MCM2: variants seen among roughly 807,000 people sequenced by gnomAD.
The protein encoded by MCM2 is DNA replication licensing factor MCM2.
Under a neutral mutation model 86.4 loss-of-function variants are expected in MCM2, and 49 were observed. That is an observed-to-expected ratio of 0.57 (90% CI 0.45 to 0.72). The LOEUF (loss-of-function observed/expected upper bound fraction) is 0.72, where lower values mean the gene tolerates loss of function less well. Ranked by LOEUF, MCM2 falls within the 30% of genes least tolerant of loss-of-function variation. MCM2 has a pLI of 0.00. For missense variants in MCM2, 1,038 were observed against 1,259.9 expected, an observed-to-expected ratio of 0.82 and a Z score of 2.67; for synonymous variants, 475 against 484.6, an observed-to-expected ratio of 0.98 and a Z score of 0.26.
rs774214776 is a variant in MCM2 at position 127,606,153 on chromosome 3, T to A, written c.709T>A (p.Leu237Met). The A allele has an allele frequency of 6.2e-7, 1 of 1,614,190 alleles. No homozygotes were observed. Among genetic ancestry groups the A allele is most frequent in the African/African-American group, 1.3e-5 (1 of 75,046 alleles). ...GAGCCTGGTGGTGAACTATGAGGAC[T>A]TGGCAGCCAGGGAGCACGTGCTGGC... ...RESLVVNYED[L>M]AAREHVLAYF... The change falls in exon 5 of 16, where the codon TTG (leucine) becomes ATG (methionine). Residue 237 changes from leucine (L) to methionine (M), a missense_variant. Coordinates refer to ENST00000265056, the MANE Select transcript of MCM2 (RefSeq NM_004526.4). The surrounding 1 kb of genome is among the most constrained non-coding windows in gnomAD (Gnocchi z 4.2).
intron 8 of MCM2, among the ~76,000 whole-genome samples, chr3:127,610,531 G>A (rs1004921277): frequency 1.3e-5 from 2 of 152,064 alleles, no homozygotes; most frequent in African/African-American, 2.4e-5. Context: ...TCCTCCTCAC[G>A]CATCACATTT....
rs889710951 is a variant in MCM2, at chr3:127,615,922, C to T, written c.1489C>T (p.Leu497=). 6.2e-7 allele frequency: 1 copy of T among 1,614,204 alleles called. No individual in the cohort carries two copies. The highest frequency in any genetic ancestry group is 8.5e-7 in the Non-Finnish European group (1 of 1,180,038). Residue 497 remains leucine (L), a synonymous_variant, in exon 9 of 16, where the codon CTG becomes TTG. Transcript: ENST00000265056. ...GHEDIKRGLA[L]ALFGGEPKNP... Reference sequence around the variant, plus strand: ...TGAAGACATCAAGAGAGGCCTGGCTCTGGCCCTGTTCGGAGGGGAGCCCAA... The same window carrying T: ...TGAAGACATCAAGAGAGGCCTGGCTTTGGCCCTGTTCGGAGGGGAGCCCAA...
At position 127,617,184 on chromosome 3, in the gene MCM2, C is replaced by T. The variant is rs1269377053; in HGVS notation, c.1773+66C>T. 32 of 1,602,878 alleles carry T rather than the reference C, an allele frequency of 2.0e-5. No individual in the cohort carries two copies. Among genetic ancestry groups the T allele is most frequent in the Non-Finnish European group, 2.5e-5 (29 of 1,172,732 alleles). ...TGTGTGTGGGCTTGGGCCTTAGCGA[C>T]GGGAATGGTGTTAATGGGGTCCATT... On this transcript the variant is annotated intron_variant, in intron 10 of 15. Transcript: ENST00000265056. This position sits in a 1 kb window ranked among gnomAD's most constrained non-coding sequence, Gnocchi z 4.1.
intron 9 of MCM2, among the ~76,000 whole-genome samples, chr3:127,616,492 G>A (rs1031725622): frequency 2.0e-5 from 3 of 152,104 alleles, no homozygotes; most frequent in African/African-American, 2.4e-5. Flanking sequence ...GCATCCCACC[G>A]AGCTCTCCCG....
chr3:127,612,662 G>A (rs1375509780), intron 8 of MCM2, among the ~76,000 whole-genome samples: 3 of 152,154 alleles, frequency 2.0e-5, no homozygotes, highest in African/African-American at 7.2e-5. Context: ...CATTATCTCA[G>A]GCTCATGGTA....
At chr3:127,605,353 G>A (rs532878567) in intron 4 of MCM2, among the ~76,000 whole-genome samples, 197 bp downstream of exon 4, 9 of 150,512 alleles carry the variant, frequency 6.0e-5, no homozygotes, top group South Asian at 4.2e-4. Flanking sequence ...CCACCAAAGC[G>A]TTTTTTGACA....
chr3:127,616,505 C>T (rs147576049), intron 9 of MCM2, among the ~76,000 whole-genome samples: 40 of 152,350 alleles, frequency 2.6e-4, no homozygotes, highest in Admixed American at 7.8e-4. Context: ...CTCTCCCGCT[C>T]AGTGCCACAC....
Position 127,619,170 on chromosome 3 carries a change from C to T in MCM2, c.2157C>T (p.Val719=). The T allele has an allele frequency of 6.2e-7, 1 of 1,614,160 alleles. No homozygotes were observed. Reference sequence around the variant, plus strand: ...GCGTGGAGCCCCTGCCCCAGGAGGTCCTGAAGAAGTACATCATCTACGCCA... The same window carrying T: ...GCGTGGAGCCCCTGCCCCAGGAGGTTCTGAAGAAGTACATCATCTACGCCA... ...TYGVEPLPQE[V]LKKYIIYAKE... is the part of the protein sequence containing the mutation. Residue 719 remains valine (V), a synonymous_variant, in exon 13 of 16, where the codon GTC becomes GTT. Transcript: ENST00000265056.
intron 8 of MCM2, among the ~76,000 whole-genome samples, chr3:127,609,378 C>T (rs2074375799): frequency 6.6e-6 from 1 of 152,132 alleles, no homozygotes; most frequent in Admixed American, 6.5e-5. Flanking sequence ...GGAACAGAGG[C>T]AGGGCAATAG....
intron 8 of MCM2, among the ~76,000 whole-genome samples, chr3:127,611,392 T>C (rs374660310): frequency 6.6e-6 from 1 of 152,308 alleles, no homozygotes; most frequent in South Asian, 2.1e-4. Flanking sequence ...GCCACTAATC[T>C]CCCACTCTGT....
Position 127,605,208 on chromosome 3 carries a change from C to T in MCM2, c.673+52C>T, listed in dbSNP as rs571914723. ...AGCCCCTGTAGCGCCTCCCTAAATCCTCCCCAGAAAGTTGTCTGAGCCGAG... is the reference window on the plus strand; with the variant it reads ...AGCCCCTGTAGCGCCTCCCTAAATCTTCCCCAGAAAGTTGTCTGAGCCGAG... On this transcript the variant is annotated intron_variant, in intron 4 of 15. Transcript: ENST00000265056. The T allele has an allele frequency of 3.3e-5, 53 of 1,586,642 alleles. No homozygotes were observed. In the African/African-American group the frequency reaches 5.9e-4, roughly 18 times the overall value.
At chr3:127,615,024 C>G (rs2074423129) in intron 8 of MCM2, among the ~76,000 whole-genome samples, 1 of 152,222 alleles carries the variant, frequency 6.6e-6, no homozygotes, top group Non-Finnish European at 1.5e-5. Flanking sequence ...TTTGATGGTG[C>G]AGGCAGGACA....
At chr3:127,601,709 A>G (rs754805890) in intron 2 of MCM2, among the ~76,000 whole-genome samples, 1 of 152,190 alleles carries the variant, frequency 6.6e-6, no homozygotes, top group Non-Finnish European at 1.5e-5. Flanking sequence ...TCTGTTGGCT[A>G]TGTAGGAGTG....
chr3:127,599,057 A>G, intron 1 of MCM2: 1 of 555,222 alleles, frequency 1.8e-6, no homozygotes, highest in South Asian at 2.2e-5. Flanking sequence ...TTCATGGAGA[A>G]AGCACGGTGA....
At chr3:127,598,851 A>G (rs917300811) in intron 1 of MCM2, 7 of 371,826 alleles carry the variant, frequency 1.9e-5, no homozygotes, top group African/African-American at 1.5e-4. Flanking sequence ...TTACTTTTGT[A>G]TTACCTTCTT....
chr3:127,610,498 C>T (rs1366290959), intron 8 of MCM2, among the ~76,000 whole-genome samples: 3 of 152,186 alleles, frequency 2.0e-5, no homozygotes, highest in African/African-American at 4.8e-5. Context: ...CTCTGAGGCA[C>T]GGCTATGGTT....
intron 8 of MCM2, chr3:127,610,628 T>G: frequency 2.7e-6 from 1 of 374,864 alleles, no homozygotes. Context: ...GTATTCCAAG[T>G]AGGCAGGGTA....
chr3:127,608,550 G>C, intron 7 of MCM2, 34 bp downstream of exon 7: 1 of 1,612,340 alleles, frequency 6.2e-7, no homozygotes, highest in Non-Finnish European at 8.5e-7. Context: ...AGGGAGCCAA[G>C]TTGCAGAGGG....
Position 127,618,824 on chromosome 3 carries a change from T to C in MCM2, c.2014-203T>C, listed in dbSNP as rs2074452668. 6.6e-6 allele frequency among the ~76,000 whole-genome samples: 1 copy of C among 152,220 alleles called. No homozygotes were observed. Among genetic ancestry groups the C allele is most frequent in the African/African-American group, 2.4e-5 (1 of 41,460 alleles). ...TAAGACTATTTGTCTCCTGTCCCCTTGTGGAGATGAGCCCTGTGGGGACTC... is the reference window on the plus strand; with the variant it reads ...TAAGACTATTTGTCTCCTGTCCCCTCGTGGAGATGAGCCCTGTGGGGACTC... On this transcript the variant is annotated intron_variant, in intron 12 of 15. Transcript: ENST00000265056. The surrounding 1 kb of genome is among the most constrained non-coding windows in gnomAD (Gnocchi z 4.0).
Sources: allele counts gnomAD v4.1 joint callset (sites outside exome capture counted in the v4.1 genomes callset), GRCh38; gene constraint gnomAD v4.1.1; non-coding constraint Gnocchi (gnomAD v3.1); transcripts MANE v1.5; gene names NCBI Gene and HGNC (gene_info 2026-07-23, HGNC 2026-07-21).